SH3RF3: variants seen among roughly 807,000 people sequenced by gnomAD.
SH3RF3 encodes the protein E3 ubiquitin-protein ligase SH3RF3.
SH3RF3 carries 29 observed loss-of-function variants against 66.3 expected under a neutral mutation model. The ratio of observed to expected loss-of-function variants is 0.44; its 90% CI spans 0.33 to 0.60. The LOEUF is 0.60. Among genes scored for constraint, SH3RF3 ranks in the 20% least tolerant of loss-of-function variants. The pLI, the probability that SH3RF3 is intolerant of heterozygous loss-of-function variation, is 0.04. For missense variants in SH3RF3, 1,194 were observed against 1,190.9 expected, an observed-to-expected ratio of 1.00 and a Z score of -0.04; for synonymous variants, 583 against 532.0, an observed-to-expected ratio of 1.10 and a Z score of -1.32.
At chr2:109,164,204 G>T (rs1677562201) in intron 1 of SH3RF3, among the ~76,000 whole-genome samples, 1 of 151,788 alleles carries the variant, frequency 6.6e-6, no homozygotes, top group Non-Finnish European at 1.5e-5. Flanking sequence ...AAAGAGTTGG[G>T]GCCTTGCTCT....
At chr2:109,488,675 T>C (rs1439253490) in intron 8 of SH3RF3, among the ~76,000 whole-genome samples, 5 of 152,312 alleles carry the variant, frequency 3.3e-5, no homozygotes, top group African/African-American at 1.2e-4. Context: ...CTCCCTCAAG[T>C]TGTGCCGCCA....
chr2:109,364,842 G>A (rs370967744), intron 2 of SH3RF3, among the ~76,000 whole-genome samples: 5 of 152,248 alleles, frequency 3.3e-5, no homozygotes, highest in African/African-American at 1.2e-4. Context: ...TGTACTCTCA[G>A]CACTTTGGGA....
chr2:109,218,677 G>A (rs758865680), intron 1 of SH3RF3, among the ~76,000 whole-genome samples: 2 of 152,184 alleles, frequency 1.3e-5, no homozygotes, highest in African/African-American at 2.4e-5. Context: ...GCAGGAGTGA[G>A]GGAGGGTGGT....
rs529408483 is a variant in SH3RF3 at position 109,410,292 on chromosome 2, C to T, written c.1300-9247C>T. Among the ~76,000 whole-genome samples, 4 of 152,324 alleles carry T rather than the reference C, an allele frequency of 2.6e-5. No individual in the cohort carries two copies. The South Asian group carries it at 8.3e-4, about 32-fold the overall frequency. ...AATCTTTACTGACTAGCAGCTCCAG[C>T]GCTGTGTGCCATTCACCTGTGAGCT... On this transcript the variant is annotated intron_variant, in intron 4 of 9. Coordinates refer to ENST00000309415, the MANE Select transcript of SH3RF3 (RefSeq NM_001099289.3).
At chr2:109,413,521 C>T (rs1213215505) in intron 4 of SH3RF3, among the ~76,000 whole-genome samples, 1 of 152,138 alleles carries the variant, frequency 6.6e-6, no homozygotes, top group Non-Finnish European at 1.5e-5. Flanking sequence ...TGTCTGTCTA[C>T]CTCTGTCTCT....
In SH3RF3 at chr2:109,320,148, C is replaced by T. The variant is rs1238730427; in HGVS notation, c.574-27526C>T. On this transcript the variant is annotated intron_variant, in intron 1 of 9. Coordinates refer to ENST00000309415, the MANE Select transcript of SH3RF3 (RefSeq NM_001099289.3). Reference sequence around the variant, plus strand: ...TGTAAAGCCTGTAGAAGCAACACAACTCTTCTCTCACCCCAGTTCTCATGG... The same window carrying T: ...TGTAAAGCCTGTAGAAGCAACACAATTCTTCTCTCACCCCAGTTCTCATGG... 2.6e-5 allele frequency among the ~76,000 whole-genome samples: 4 copies of T among 152,210 alleles called. No individual in the cohort carries two copies. In the East Asian group the frequency reaches 7.7e-4, roughly 29 times the overall value.
intron 1 of SH3RF3, among the ~76,000 whole-genome samples, chr2:109,203,135 A>G (rs759397929): frequency 1.3e-5 from 2 of 152,056 alleles, no homozygotes; most frequent in Non-Finnish European, 2.9e-5. Context: ...CCGTGTCCTC[A>G]GCAGTCAAGG....
intron 4 of SH3RF3, among the ~76,000 whole-genome samples, chr2:109,418,077 C>T (rs1057116403): frequency 6.6e-6 from 1 of 152,104 alleles, no homozygotes; most frequent in African/African-American, 2.4e-5. Context: ...GACACAGGCA[C>T]CTTCCCCATT....
intron 1 of SH3RF3, among the ~76,000 whole-genome samples, chr2:109,245,739 C>G (rs1454814766): frequency 1.3e-5 from 2 of 152,180 alleles, no homozygotes; most frequent in Non-Finnish European, 2.9e-5. Flanking sequence ...GAAATTCATT[C>G]TAAGTCATCA....
intron 1 of SH3RF3, among the ~76,000 whole-genome samples, chr2:109,293,356 G>T (rs922230358): frequency 6.6e-6 from 1 of 152,232 alleles, no homozygotes; most frequent in African/African-American, 2.4e-5. Flanking sequence ...GTCATCAGGG[G>T]CCAGAAAAAT....
At chr2:109,154,418 C>T (rs1463968800) in intron 1 of SH3RF3, among the ~76,000 whole-genome samples, 1 of 152,158 alleles carries the variant, frequency 6.6e-6, no homozygotes, top group East Asian at 1.9e-4. Context: ...CCATTGTCTG[C>T]CAGTGTTGAA....
Position 109,398,431 on chromosome 2 carries a change from A to G in SH3RF3, c.946-159A>G, listed in dbSNP as rs548589587. On this transcript the variant is annotated intron_variant, in intron 3 of 9. Coordinates refer to ENST00000309415, the MANE Select transcript of SH3RF3 (RefSeq NM_001099289.3). ...TCCAAAAACCTTTTCAATAAAACCT[A>G]TGCCACCCCACCAGCCTCTTCTGTG... 2.3e-4 allele frequency among the ~76,000 whole-genome samples: 35 copies of G among 152,230 alleles called. 1 individual carries two copies. Among genetic ancestry groups the G allele is most frequent in the South Asian group, 8.3e-4 (4 of 4,814 alleles).
chr2:109,432,729 C>T, intron 6 of SH3RF3, 58 bp downstream of exon 6: 1 of 1,553,750 alleles, frequency 6.4e-7, no homozygotes, highest in Non-Finnish European at 8.7e-7. Flanking sequence ...GCACGCCTTA[C>T]CGCTGTTGTT....
At chr2:109,366,313 C>T (rs1399497768) in intron 2 of SH3RF3, among the ~76,000 whole-genome samples, 1 of 152,124 alleles carries the variant, frequency 6.6e-6, no homozygotes, top group East Asian at 1.9e-4. Flanking sequence ...AAGTAAATTA[C>T]AGTAAATTCA....
At chr2:109,247,192 A>G (rs1045771152) in intron 1 of SH3RF3, among the ~76,000 whole-genome samples, 1 of 152,212 alleles carries the variant, frequency 6.6e-6, no homozygotes. Flanking sequence ...CTATGAGATA[A>G]GGGAGAACAG....
intron 8 of SH3RF3, among the ~76,000 whole-genome samples, chr2:109,459,634 G>A (rs1476641721): frequency 1.3e-5 from 2 of 152,112 alleles, no homozygotes; most frequent in Non-Finnish European, 1.5e-5. Flanking sequence ...TCAGTCACCC[G>A]AGCCAGCACA....
rs540029437 is a variant in SH3RF3 at position 109,498,916 on chromosome 2, G to A, written c.2481-2587G>A. On this transcript the variant is annotated intron_variant, in intron 9 of 9. Transcript: ENST00000309415. Reference sequence around the variant, plus strand: ...AGCATATGGAGGAGCCCTGAGGTGGGTGCACCTGGGGTCGCTAGGGCGCGG... The same window carrying A: ...AGCATATGGAGGAGCCCTGAGGTGGATGCACCTGGGGTCGCTAGGGCGCGG... 1.9e-4 allele frequency among the ~76,000 whole-genome samples: 29 copies of A among 152,346 alleles called. No individual in the cohort carries two copies. The South Asian group carries it at 5.4e-3, about 28-fold the overall frequency.
At chr2:109,135,386 C>T (rs1255136993) in intron 1 of SH3RF3, among the ~76,000 whole-genome samples, 1 of 152,202 alleles carries the variant, frequency 6.6e-6, no homozygotes, top group Non-Finnish European at 1.5e-5. Flanking sequence ...CACACTTCCT[C>T]ACCATCTGCC....
chr2:109,411,571 G>A (rs1383010414), intron 4 of SH3RF3, among the ~76,000 whole-genome samples: 1 of 152,148 alleles, frequency 6.6e-6, no homozygotes, highest in Non-Finnish European at 1.5e-5. Flanking sequence ...CATCAGCATC[G>A]GGAAGCCACG....
Sources: allele counts gnomAD v4.1 joint callset (sites outside exome capture counted in the v4.1 genomes callset), GRCh38; gene constraint gnomAD v4.1.1; transcripts MANE v1.5; gene names NCBI Gene and HGNC (gene_info 2026-07-23, HGNC 2026-07-21).